The following PTPN1 variants were observed in gnomAD, a reference collection of about 807,000 sequenced individuals.
PTPN1 encodes protein tyrosine phosphatase non-receptor type 1.
Under a neutral mutation model 59.9 loss-of-function variants are expected in PTPN1, and 12 were observed. That is an observed-to-expected ratio of 0.20 (90% confidence interval 0.13 to 0.32). PTPN1 has a LOEUF of 0.32. Ranked by LOEUF, PTPN1 falls within the 10% of genes least tolerant of loss-of-function variation. The probability of loss-of-function intolerance (pLI) is 1.00; values close to 1 mark genes in which losing one functional copy is unlikely to be tolerated. For synonymous variants in PTPN1, 178 were observed against 203.6 expected, an observed-to-expected ratio of 0.87 and a Z score of 1.07; for missense variants, 356 against 549.2, an observed-to-expected ratio of 0.65 and a Z score of 3.52.
intron 1 of PTPN1, among the ~76,000 whole-genome samples, chr20:50,552,513 A>C (rs1318123960): frequency 6.6e-6 from 1 of 152,098 alleles, no homozygotes; most frequent in African/African-American, 2.4e-5. Context: ...AGCAGCCAGA[A>C]GGGATCCACT....
intron 1 of PTPN1, among the ~76,000 whole-genome samples, chr20:50,520,137 C>T (rs915390974): frequency 2.0e-5 from 3 of 151,966 alleles, no homozygotes; most frequent in East Asian, 3.9e-4. Context: ...TTTGGGAGGC[C>T]GAGGTGGGTG....
intron 3 of PTPN1, among the ~76,000 whole-genome samples, chr20:50,566,901 G>A (rs898344991): frequency 6.6e-6 from 1 of 152,166 alleles, no homozygotes; most frequent in Middle Eastern, 3.2e-3. Context: ...GGCCCAGGTG[G>A]CCAGCCATGT....
chr20:50,569,802 T>G (rs1023478407), intron 4 of PTPN1, among the ~76,000 whole-genome samples: 2 of 151,136 alleles, frequency 1.3e-5, no homozygotes, highest in African/African-American at 4.9e-5. Flanking sequence ...CCATCCTGTG[T>G]AGACCATCCC....
At chr20:50,546,629 T>C (rs1427692950) in intron 1 of PTPN1, among the ~76,000 whole-genome samples, 1 of 152,248 alleles carries the variant, frequency 6.6e-6, no homozygotes, top group Non-Finnish European at 1.5e-5. Flanking sequence ...ACGAAATTCT[T>C]AACCAAAGCC....
intron 1 of PTPN1, among the ~76,000 whole-genome samples, chr20:50,545,728 T>C (rs1057291797): frequency 2.0e-5 from 3 of 151,742 alleles, no homozygotes; most frequent in African/African-American, 7.3e-5. Context: ...TTAATAAGAG[T>C]GGTCTGGCTG....
chr20:50,510,516 C>T lies in PTPN1; in HGVS notation c.-12C>T, dbSNP rs2082501576. 3 of 1,549,654 alleles carry T rather than the reference C, an allele frequency of 1.9e-6. No individual in the cohort carries two copies. The highest frequency in any genetic ancestry group is 2.6e-6 in the Non-Finnish European group (3 of 1,146,140). On this transcript the variant is annotated 5_prime_UTR_variant, in exon 1 of 10. Transcript: ENST00000371621. ...GGCCGAGAAGGAGGCGCAGCAGCCG[C>T]CCTGGCCCGTCATGGAGATGGAAAA... is the stretch of plus-strand genomic sequence containing the variant.
chr20:50,579,423 G>A, intron 7 of PTPN1, 94 bp downstream of exon 7: 2 of 1,374,862 alleles, frequency 1.5e-6, no homozygotes, highest in Non-Finnish European at 1.0e-6. Context: ...AACACCGTCT[G>A]GTGTCAGGGG....
chr20:50,529,857 A>G (rs2082593027), intron 1 of PTPN1, among the ~76,000 whole-genome samples: 1 of 152,050 alleles, frequency 6.6e-6, no homozygotes, highest in African/African-American at 2.4e-5. Context: ...TTCTTGTTAT[A>G]TTTGATTTAT....
intron 3 of PTPN1, among the ~76,000 whole-genome samples, chr20:50,566,034 C>T (rs2082777533): frequency 6.6e-6 from 1 of 152,180 alleles, no homozygotes; most frequent in Non-Finnish European, 1.5e-5. Flanking sequence ...TTCTCGTCAT[C>T]TGGGATGCAG....
intron 1 of PTPN1, among the ~76,000 whole-genome samples, chr20:50,521,540 A>G (rs905498299): frequency 8.5e-5 from 13 of 152,228 alleles, no homozygotes; most frequent in African/African-American, 3.1e-4. Flanking sequence ...GCTTCCACAT[A>G]CATGGCTGTG....
chr20:50,539,292 T>C (rs532979479), intron 1 of PTPN1, among the ~76,000 whole-genome samples: 184 of 152,276 alleles, frequency 1.2e-3, no homozygotes, highest in African/African-American at 4.2e-3. Context: ...TGCCTCAGCC[T>C]TCCAAAGTGC....
chr20:50,540,456 C>T (rs2082646574), intron 1 of PTPN1, among the ~76,000 whole-genome samples: 1 of 152,202 alleles, frequency 6.6e-6, no homozygotes, highest in African/African-American at 2.4e-5. Flanking sequence ...CTTACATGAA[C>T]TCATAGAGTG....
In PTPN1 at chr20:50,578,584, C is replaced by T. The variant is rs202088173; in HGVS notation, c.657C>T (p.Ile219=). The change falls in exon 6 of 10, where the codon ATC becomes ATT. Residue 219 remains isoleucine, a synonymous_variant. Coordinates refer to ENST00000371621, the MANE Select transcript of PTPN1 (RefSeq NM_002827.4). ...TTGTGGTGCACTGCAGTGCAGGCAT[C>T]GGCAGGTCTGGAACCTTCTGTCTGG... ...GPVVVHCSAG[I]GRSGTFCLAD... is the part of the protein sequence containing the mutation. The T allele has an allele frequency of 4.1e-4, 654 of 1,614,180 alleles. 1 individual carries two copies. Among genetic ancestry groups the T allele is most frequent in the African/African-American group, 6.7e-5 (5 of 75,056 alleles).
At chr20:50,528,661 C>T (rs187166993) in intron 1 of PTPN1, among the ~76,000 whole-genome samples, 2 of 147,330 alleles carry the variant, frequency 1.4e-5, no homozygotes, top group Non-Finnish European at 3.0e-5. Flanking sequence ...TTGCAGTGAG[C>T]TGAGATCACT....
chr20:50,518,464 G>A (rs546777369), intron 1 of PTPN1, among the ~76,000 whole-genome samples: 8 of 152,134 alleles, frequency 5.3e-5, no homozygotes, highest in Admixed American at 2.6e-4. Context: ...TTTTCAAATA[G>A]TCAGGGCTTA....
intron 1 of PTPN1, among the ~76,000 whole-genome samples, chr20:50,522,140 T>C (rs1428590394): frequency 6.6e-6 from 1 of 152,196 alleles, no homozygotes; most frequent in Non-Finnish European, 1.5e-5. Context: ...GGCCAGGTAC[T>C]CCTTCCCTTC....
intron 4 of PTPN1, among the ~76,000 whole-genome samples, chr20:50,570,058 G>T (rs969190130): frequency 6.6e-6 from 1 of 152,214 alleles, no homozygotes; most frequent in Non-Finnish European, 1.5e-5. Context: ...GGTTGCCTCC[G>T]GCCACAGAAG....
chr20:50,578,413 C>T lies in PTPN1; in HGVS notation c.493-7C>T, dbSNP rs370236850. On this transcript the variant is annotated splice_region_variant and splice_polypyrimidine_tract_variant and intron_variant, in intron 5 of 9. Coordinates refer to ENST00000371621, the MANE Select transcript of PTPN1 (RefSeq NM_002827.4). ...TTAGAATCATCATGAGTATTTTTCT[C>T]TTTCAGACCCAAGAAACTCGAGAGA... 2.5e-6 allele frequency: 4 copies of T among 1,610,954 alleles called. No homozygotes were observed. The highest frequency in any genetic ancestry group is 1.7e-4 in the Middle Eastern group (1 of 6,056).
chr20:50,584,597 G>A lies in PTPN1; in HGVS notation c.*1882G>A, dbSNP rs1019006770. 1.4e-5 allele frequency: 2 copies of A among 144,026 alleles called. No individual in the cohort carries two copies. Among genetic ancestry groups the A allele is most frequent in the Admixed American group, 1.5e-4 (2 of 13,780 alleles). 8.9% of individuals were successfully genotyped at this position (144,026 alleles called of 1,614,324 possible). A position where few individuals can be genotyped will look rare whatever the true frequency, so the allele number is the denominator to read the frequency against. ...GTGTTTTGGTATAATACCTTTTCAG[G>A]TGTGTGTGGATACGTGGCTGCATGA... On this transcript the variant is annotated 3_prime_UTR_variant, in exon 10 of 10. Transcript: ENST00000371621.
Sources: gnomAD v4.1 joint callset for allele counts (sites outside exome capture counted in the v4.1 genomes callset) on GRCh38, gnomAD v4.1.1 for gene constraint, MANE v1.5 for transcripts, NCBI Gene and HGNC (gene_info 2026-07-23, HGNC 2026-07-21) for gene names.